RPTOR: variants seen among roughly 807,000 people sequenced by gnomAD.
RPTOR encodes regulatory associated protein of MTOR complex 1.
A neutral mutation model predicts 169.9 loss-of-function variants in RPTOR; 21 were observed. That is an observed-to-expected ratio of 0.12 (90% CI 0.09 to 0.18). RPTOR has a LOEUF of 0.18. Among genes scored for constraint, RPTOR ranks in the 10% least tolerant of loss-of-function variants. The pLI is 1.00. For synonymous variants in RPTOR, 732 were observed against 753.2 expected (o/e 0.97, Z 0.46); for missense variants, 1,133 against 1,855.9 (o/e 0.61, Z 7.16).
At chr17:80,591,954 T>G (rs1289896709) in intron 1 of RPTOR, among the ~76,000 whole-genome samples, 1 of 152,232 alleles carries the variant, frequency 6.6e-6, no homozygotes, top group Non-Finnish European at 1.5e-5. Context: ...TTTGCTTTCA[T>G]TCTGTCAGCT....
chr17:80,813,754 A>G (rs1039549372), intron 7 of RPTOR, among the ~76,000 whole-genome samples: 13 of 152,214 alleles, frequency 8.5e-5, no homozygotes, highest in Admixed American at 8.5e-4. Context: ...GCTTCTCTAC[A>G]CCGTCATTTT....
chr17:80,918,418 G>T (rs371801056), intron 21 of RPTOR, among the ~76,000 whole-genome samples: 1 of 128,074 alleles, frequency 7.8e-6, no homozygotes, highest in Admixed American at 7.8e-5. Context: ...CCCTCGCGGG[G>T]GTCATAGCCA....
rs1258891792 is a variant in RPTOR at position 80,695,786 on chromosome 17, T to C, written c.349-12055T>C. On this transcript the variant is annotated intron_variant, in intron 3 of 33. Coordinates refer to ENST00000306801, the MANE Select transcript of RPTOR (RefSeq NM_020761.3). This position sits in a 1 kb window ranked among gnomAD's most constrained non-coding sequence, Gnocchi z 4.9. Reference sequence around the variant, plus strand: ...CCCATCTTTACAGAGTGACAGGAGCTCAGGATGCAGAGGCACCAAGGCCAG... The same window carrying C: ...CCCATCTTTACAGAGTGACAGGAGCCCAGGATGCAGAGGCACCAAGGCCAG... Among the ~76,000 whole-genome samples the C allele has an allele frequency of 6.6e-6, 1 of 152,138 alleles. No homozygotes were observed. The highest frequency in any genetic ancestry group is 1.9e-4 in the East Asian group (1 of 5,198).
chr17:80,742,659 ATG>A (rs778499078), intron 5 of RPTOR, among the ~76,000 whole-genome samples: 29 of 137,834 alleles, frequency 2.1e-4, no homozygotes, highest in Non-Finnish European at 4.0e-4. Context: ...ATATAAACAC[ATG>A]CACATACACA....
At position 80,855,562 on chromosome 17, in the gene RPTOR, C is replaced by T. The variant is rs575666119; in HGVS notation, c.1398+15C>T. 8 of 1,592,442 alleles carry T rather than the reference C, an allele frequency of 5.0e-6. No homozygotes were observed. In the African/African-American group the frequency reaches 8.0e-5, roughly 16 times the overall value. The stretch of plus-strand genomic sequence containing the variant: ...CAGTGAGCCTGGTGCGTGCCTTCCG[C>T]ATTAACCTGGGGGCTGAGGGAGGTG... On this transcript the variant is annotated intron_variant, in intron 12 of 33. Transcript: ENST00000306801.
rs138473669 is a variant in RPTOR, at chr17:80,883,840, C to T, written c.1710C>T (p.His570=). Residue 570 remains histidine, a synonymous_variant, in exon 16 of 34, where the codon CAC becomes CAT. Coordinates refer to ENST00000306801, the MANE Select transcript of RPTOR (RefSeq NM_020761.3). ...GCCTGGAGCAGCTCAACGACCCGCA[C>T]CCCTTGCTGCGCCAGTGGGTGGCCA... ...AICLEQLNDP[H]PLLRQWVAIC... 351 of 1,613,764 alleles carry T rather than the reference C, an allele frequency of 2.2e-4. No individual in the cohort carries two copies. In the African/African-American group the frequency reaches 4.1e-3, roughly 19 times the overall value.
At chr17:80,779,816 C>G (rs969515303) in intron 6 of RPTOR, among the ~76,000 whole-genome samples, 1 of 152,188 alleles carries the variant, frequency 6.6e-6, no homozygotes, top group Admixed American at 6.5e-5. Context: ...TGTTGAACAA[C>G]GCAGTGTGCA....
chr17:80,958,058 A>G (rs1034785892), intron 29 of RPTOR, among the ~76,000 whole-genome samples: 17 of 152,110 alleles, frequency 1.1e-4, no homozygotes, highest in African/African-American at 4.1e-4. Flanking sequence ...TAGAATGATT[A>G]ATTATTTGGA....
intron 20 of RPTOR, among the ~76,000 whole-genome samples, chr17:80,902,843 C>T (rs762942552): frequency 6.6e-6 from 1 of 152,250 alleles, no homozygotes; most frequent in African/African-American, 2.4e-5. Context: ...TGTGCTCCAC[C>T]CGCCTTCCCT....
intron 13 of RPTOR, among the ~76,000 whole-genome samples, chr17:80,858,539 G>A (rs936059478): frequency 1.3e-5 from 2 of 152,232 alleles, no homozygotes; most frequent in African/African-American, 4.8e-5. Context: ...TGTCCCCAGC[G>A]GCTTATGCTT....
chr17:80,563,900 G>A (rs2084536623), intron 1 of RPTOR, among the ~76,000 whole-genome samples: 1 of 152,088 alleles, frequency 6.6e-6, no homozygotes, highest in Non-Finnish European at 1.5e-5. Flanking sequence ...TTTGCTTTTG[G>A]TTTCTCTCGC....
chr17:80,760,146 G>T (rs1407030265), intron 6 of RPTOR, among the ~76,000 whole-genome samples: 3 of 152,064 alleles, frequency 2.0e-5, no homozygotes, highest in Non-Finnish European at 4.4e-5. Flanking sequence ...CACTCTGATG[G>T]GAGTCGGCAG....
Position 80,957,743 on chromosome 17 carries a change from G to A in RPTOR, c.3477+13G>A. ...GATGAAGGTGCAGGTAACCATGCAG[G>A]TGTCCCCCAAGCCCTGGGCCTGTGG... On this transcript the variant is annotated intron_variant, in intron 29 of 33. Transcript: ENST00000306801. This position sits in a 1 kb window ranked among gnomAD's most constrained non-coding sequence, Gnocchi z 4.6. 6.2e-7 allele frequency: 1 copy of A among 1,611,690 alleles called. No homozygotes were observed. The highest frequency in any genetic ancestry group is 8.5e-7 in the Non-Finnish European group (1 of 1,178,074).
chr17:80,835,857 T>C lies in RPTOR; in HGVS notation c.1137-2065T>C, dbSNP rs551590732. Among the ~76,000 whole-genome samples the C allele has an allele frequency of 5.9e-5, 9 of 152,282 alleles. No homozygotes were observed. In the East Asian group the frequency reaches 1.7e-3, roughly 29 times the overall value. On this transcript the variant is annotated intron_variant, in intron 9 of 33. Transcript: ENST00000306801. Reference sequence around the variant, plus strand: ...TTAGAGAAGAGATACTCAACCTGTATCCGCGGAGATCAAGACTGTGTTCTG... The same window carrying C: ...TTAGAGAAGAGATACTCAACCTGTACCCGCGGAGATCAAGACTGTGTTCTG...
rs1340903117 is a variant in RPTOR at position 80,957,090 on chromosome 17, G to T, written c.3371-534G>T. Among the ~76,000 whole-genome samples, 2 of 151,830 alleles carry T rather than the reference G, an allele frequency of 1.3e-5. No homozygotes were observed. Among genetic ancestry groups the T allele is most frequent in the South Asian group, 4.2e-4 (2 of 4,800 alleles). On this transcript the variant is annotated intron_variant, in intron 28 of 33. Coordinates refer to ENST00000306801, the MANE Select transcript of RPTOR (RefSeq NM_020761.3). This position sits in a 1 kb window ranked among gnomAD's most constrained non-coding sequence, Gnocchi z 4.6. ...AGCTCAGAATTGTCACCCCGGCCTGGACTTGGGAGTTCCAGCTTAGAACTG... is the reference window on the plus strand; with the variant it reads ...AGCTCAGAATTGTCACCCCGGCCTGTACTTGGGAGTTCCAGCTTAGAACTG...
intron 4 of RPTOR, among the ~76,000 whole-genome samples, chr17:80,713,446 G>T (rs897834055): frequency 2.0e-5 from 3 of 152,052 alleles, no homozygotes; most frequent in Non-Finnish European, 4.4e-5. Flanking sequence ...GCTTTTTGAC[G>T]AGTTTGGACC....
intron 6 of RPTOR, among the ~76,000 whole-genome samples, chr17:80,758,511 T>TG (rs1392688392): frequency 6.6e-6 from 1 of 152,050 alleles, no homozygotes; most frequent in African/African-American, 2.4e-5. Context: ...AGGATCCAAG[T>TG]GATGATAGGG....
rs1344032157 is a variant in RPTOR at position 80,646,241 on chromosome 17, A to C, written c.348+2431A>C. Among the ~76,000 whole-genome samples, 1 of 152,194 alleles carries C rather than the reference A, an allele frequency of 6.6e-6. No individual in the cohort carries two copies. The highest frequency in any genetic ancestry group is 1.5e-5 in the Non-Finnish European group (1 of 68,034). On this transcript the variant is annotated intron_variant, in intron 3 of 33. Coordinates refer to ENST00000306801, the MANE Select transcript of RPTOR (RefSeq NM_020761.3). The surrounding 1 kb of genome is among the most constrained non-coding windows in gnomAD (Gnocchi z 5.0). The stretch of plus-strand genomic sequence containing the variant: ...TTGCATTCATTTTTTAGTACAATAA[A>C]AATGTTTAAAAATTTCCTGCTACTA...
At chr17:80,546,369 G>C (rs9907869) in intron 1 of RPTOR, among the ~76,000 whole-genome samples, 11,070 of 152,198 alleles carry the variant, frequency 0.073, 1,358 homozygotes, top group African/African-American at 0.25. Context: ...CTGTAACTTG[G>C]AAACAGGATT....
Sources: gnomAD v4.1 joint callset for allele counts (sites outside exome capture counted in the v4.1 genomes callset) on GRCh38, gnomAD v4.1.1 for gene constraint, Gnocchi (gnomAD v3.1) non-coding constraint, MANE v1.5 for transcripts, NCBI Gene and HGNC (gene_info 2026-07-23, HGNC 2026-07-21) for gene names.